RPAP1: variants seen among roughly 807,000 people sequenced by gnomAD.
The protein encoded by RPAP1 is RNA polymerase II associated protein 1, also known as RNA polymerase II-associated protein 1.
RPAP1 carries 109 observed loss-of-function variants against 142.4 expected under a neutral mutation model. The ratio of observed to expected loss-of-function variants is 0.77; its 90% CI spans 0.66 to 0.90. RPAP1 has a LOEUF of 0.90. Ranked by LOEUF, RPAP1 falls within the 40% of genes least tolerant of loss-of-function variation. The pLI, the probability that RPAP1 is intolerant of heterozygous loss-of-function variation, is 0.00. For missense variants in RPAP1, 1,546 were observed against 1,751.7 expected (o/e 0.88, Z 2.10); for synonymous variants, 704 against 738.9 (o/e 0.95, Z 0.77).
chr15:41,525,731 T>C (rs1465974735), intron 14 of RPAP1, among the ~76,000 whole-genome samples: 1 of 152,100 alleles, frequency 6.6e-6, no homozygotes, highest in Non-Finnish European at 1.5e-5. Context: ...CTCGGCTCAC[T>C]GCAATCTCTG....
chr15:41,528,153 GT>G (rs1189095539), intron 10 of RPAP1, 81 bp downstream of exon 10: 10 of 1,509,402 alleles, frequency 6.6e-6, no homozygotes, highest in Middle Eastern at 3.6e-4. Context: ...GTGAGCCAGA[GT>G]GAAAAGGGCA....
Position 41,527,898 on chromosome 15 carries a change from G to T in RPAP1, c.1390C>A (p.Arg464Ser), listed in dbSNP as rs749791005. ...GCCACCAGCAGAGCCCGAAGAGCAC[G>T]GATGGCGGTTGCAATGACCCCATCC... ...RVDGVIATAI[R>S]ALRALLVAPG... Residue 464 changes from arginine to serine, a missense_variant, in exon 11 of 25, where the codon CGT becomes AGT. Physicochemically the swap from Arg to Ser is moderately radical, Grantham distance 110 (BLOSUM62 -1). Coordinates refer to ENST00000304330, the MANE Select transcript of RPAP1 (RefSeq NM_015540.4). The T allele has an allele frequency of 6.2e-7, 1 of 1,613,950 alleles. No homozygotes were observed. Among genetic ancestry groups the T allele is most frequent in the East Asian group, 2.2e-5 (1 of 44,876 alleles).
chr15:41,524,372 G>A, intron 15 of RPAP1, 118 bp from the exon 16 acceptor site: 1 of 854,936 alleles, frequency 1.2e-6, no homozygotes, highest in Non-Finnish European at 1.7e-6. Context: ...GAGGAAGAGT[G>A]GGGCACTCTT....
chr15:41,526,608 GA>G (rs2051792928), intron 14 of RPAP1, among the ~76,000 whole-genome samples: 1 of 152,186 alleles, frequency 6.6e-6, no homozygotes, highest in Non-Finnish European at 1.5e-5. Flanking sequence ...CTTGGCTATA[GA>G]TGATGAATGC....
Position 41,527,536 on chromosome 15 carries a change from C to A in RPAP1, c.1498G>T (p.Asp500Tyr). 1 of 1,614,118 alleles carries A rather than the reference C, an allele frequency of 6.2e-7. No individual in the cohort carries two copies. ...LTFPLMPSQE[D>Y]KEDEDEDEEC... ...TCATCCTCGTCCTCATCCTCCTTGT[C>A]CTCCTGGCTGGGCATCAGAGGGAAC... Residue 500 changes from aspartate to tyrosine, a missense_variant, in exon 12 of 25, where the codon GAC becomes TAC. Physicochemically the swap from Asp to Tyr is radical, Grantham distance 160 (BLOSUM62 -3). Around this residue, in one of 3 missense-constraint regions of RPAP1, gnomAD observed 1,333 missense variants for 1,486.6 expected, o/e 0.90. Transcript: ENST00000304330.
At chr15:41,535,198 C>T (rs1040530868) in intron 5 of RPAP1, among the ~76,000 whole-genome samples, 5 of 152,162 alleles carry the variant, frequency 3.3e-5, no homozygotes, top group South Asian at 2.1e-4. Context: ...CATCTATAGC[C>T]AGGGGCCTGC....
At position 41,520,958 on chromosome 15, in the gene RPAP1, C is replaced by CG; in HGVS notation, c.3227_3228insC (p.His1077AlafsTer92). On this transcript the variant is annotated frameshift_variant, in exon 22 of 25. Transcript: ENST00000304330. LOFTEE classifies it high-confidence loss of function. ...GGACTCGCTGTAGCTCCCCTCGGTG[C>CG]AGAGCCTGGGAGGCCAGCAGACTGG... 2 of 1,610,562 alleles carry CG rather than the reference C, an allele frequency of 1.2e-6. No homozygotes were observed. Among genetic ancestry groups the CG allele is most frequent in the Non-Finnish European group, 1.7e-6 (2 of 1,178,254 alleles).
rs2051743238 is a variant in RPAP1 at position 41,522,857 on chromosome 15, G to T, written c.2650C>A (p.Leu884Met). ...GCSGGCPRLS[L>M]AGSASPFPFL... is the part of the protein sequence containing the mutation. ...GGGAAGGGTGAGGCTGAGCCAGCCAGACTGAGACGGGGGCAGCCTCCCGAG... is the reference window on the plus strand; with the variant it reads ...GGGAAGGGTGAGGCTGAGCCAGCCATACTGAGACGGGGGCAGCCTCCCGAG... Residue 884 changes from leucine (L) to methionine (M), a missense_variant, in exon 19 of 25, where the codon CTG becomes ATG. Leu to Met is a conservative substitution (Grantham distance 15). Coordinates refer to ENST00000304330, the MANE Select transcript of RPAP1 (RefSeq NM_015540.4). The T allele has an allele frequency of 6.3e-7, 1 of 1,581,592 alleles. No individual in the cohort carries two copies. Among genetic ancestry groups the T allele is most frequent in the Non-Finnish European group, 8.5e-7 (1 of 1,170,062 alleles).
chr15:41,522,825 G>A lies in RPAP1; in HGVS notation c.2682C>T (p.Leu894=). Residue 894 remains leucine (L), a synonymous_variant, in exon 19 of 25, where the codon CTC becomes CTT. Transcript: ENST00000304330. ...TATTAAGAAGAGAGAGGAGGGCAGTGAGGAATGGGAAGGGTGAGGCTGAGC... is the reference window on the plus strand; with the variant it reads ...TATTAAGAAGAGAGAGGAGGGCAGTAAGGAATGGGAAGGGTGAGGCTGAGC... ...LAGSASPFPF[L]TALLSLLNTL... is the part of the protein sequence containing the mutation. The A allele has an allele frequency of 6.3e-7, 1 of 1,586,552 alleles. No homozygotes were observed. The highest frequency in any genetic ancestry group is 8.5e-7 in the Non-Finnish European group (1 of 1,171,148).
rs200833248 is a variant in RPAP1 at position 41,527,467 on chromosome 15, C to A, written c.1567G>T (p.Glu523Ter). The A allele has an allele frequency of 1.9e-6, 3 of 1,613,290 alleles. No homozygotes were observed. Among genetic ancestry groups the A allele is most frequent in the Non-Finnish European group, 2.5e-6 (3 of 1,179,396 alleles). ...GKAKRKSPEE[E>*]SRPPPDLARH... is the part of the protein sequence containing the mutation. ...GCCAGGTCAGGTGGAGGCCGGCTTT[C>A]TTCTTCAGGGCTTTTCCTTTTTGCT... Residue 523 changes from glutamate (E) to a stop codon, truncating the protein, a stop_gained, in exon 12 of 25, where the codon GAA becomes TAA. Transcript: ENST00000304330. LOFTEE classifies it high-confidence loss of function.
Position 41,527,868 on chromosome 15 carries a change from C to T in RPAP1, c.1420G>A (p.Gly474Arg). Residue 474 changes from glycine (G) to arginine (R), a missense_variant, in exon 11 of 25, where the codon GGA (glycine) becomes AGA (arginine). Gly to Arg is a moderately radical substitution (Grantham distance 125, BLOSUM62 -2). This residue lies in a region of RPAP1 where 1,333 missense variants were observed against 1,486.6 expected (regional missense o/e 0.90). Coordinates refer to ENST00000304330, the MANE Select transcript of RPAP1 (RefSeq NM_015540.4). The part of the protein sequence containing the change: ...RALRALLVAP[G>R]DEELLDSTFS... ...TCCTATCCCTGTGGTACCTCATCTC[C>T]AGGAGCCACCAGCAGAGCCCGAAGA... The T allele has an allele frequency of 6.2e-7, 1 of 1,614,062 alleles. No homozygotes were observed. Among genetic ancestry groups the T allele is most frequent in the Non-Finnish European group, 8.5e-7 (1 of 1,180,008 alleles).
rs868553024 is a variant in RPAP1 at position 41,524,244 on chromosome 15, G to C, written c.2086C>G (p.Pro696Ala). ...QGGYLYRELY[P>A]VLMRALQVVP... is the part of the protein sequence containing the mutation. The stretch of plus-strand genomic sequence containing the variant: ...ACCTGCAAGGCCCGCATCAGCACTG[G>C]GTAGAGCTCCCTAGGGAAGAACAGG... Residue 696 changes from proline (P) to alanine (A), a missense_variant, in exon 16 of 25, where the codon CCA becomes GCA. Coordinates refer to ENST00000304330, the MANE Select transcript of RPAP1 (RefSeq NM_015540.4). 2.0e-6 allele frequency: 3 copies of C among 1,528,132 alleles called. No homozygotes were observed. The highest frequency in any genetic ancestry group is 2.8e-5 in the African/African-American group (2 of 72,080). 94.7% of individuals were successfully genotyped at this position (1,528,132 alleles called of 1,614,324 possible). A position where few individuals can be genotyped will look rare whatever the true frequency, so the allele number is the denominator to read the frequency against.
chr15:41,531,329 G>T, intron 6 of RPAP1, 127 bp from the exon 7 acceptor site: 1 of 928,072 alleles, frequency 1.1e-6, no homozygotes, highest in Non-Finnish European at 1.6e-6. Context: ...TCCGAGCCTG[G>T]GCCTGAGCCT....
intron 22 of RPAP1, among the ~76,000 whole-genome samples, chr15:41,518,844 TCAAAAA>T (rs909613779): frequency 1.3e-5 from 2 of 152,228 alleles, no homozygotes; most frequent in Non-Finnish European, 2.9e-5. Flanking sequence ...AGACTCTGTC[TCAAAAA>T]CAAAAACAAA....
intron 19 of RPAP1, chr15:41,522,539 T>C (rs1441830813): frequency 1.1e-5 from 6 of 562,238 alleles, no homozygotes; most frequent in South Asian, 2.3e-5. Context: ...TACAGGCATG[T>C]GCCATCATGC....
Position 41,520,704 on chromosome 15 carries a change from C to A in RPAP1, c.3482G>T (p.Cys1161Phe). The change falls in exon 22 of 25, where the codon TGT becomes TTT. Residue 1161 changes from cysteine to phenylalanine, a missense_variant. This residue lies in a region of RPAP1 where 1,333 missense variants were observed against 1,486.6 expected (regional missense o/e 0.90). Coordinates refer to ENST00000304330, the MANE Select transcript of RPAP1 (RefSeq NM_015540.4). ...PPAARLARLM[C>F]VFLVDSELFR... ...CAGCTCACTGTCCACCAGGAACACA[C>A]ACATGAGCCGTGCCAGGCGGGCAGC... The A allele has an allele frequency of 1.9e-6, 3 of 1,614,124 alleles. No individual in the cohort carries two copies. Among genetic ancestry groups the A allele is most frequent in the Non-Finnish European group, 2.5e-6 (3 of 1,180,044 alleles).
chr15:41,524,283 T>C (rs200383908), intron 15 of RPAP1, 29 bp from the exon 16 acceptor site: 3 of 1,504,202 alleles, frequency 2.0e-6, no homozygotes, highest in Middle Eastern at 1.8e-4. Flanking sequence ...TGATTTTCAC[T>C]GTATGAAAGC....
At position 41,536,155 on chromosome 15, in the gene RPAP1, C is replaced by T. The variant is rs147432102; in HGVS notation, c.394G>A (p.Val132Met). The T allele has an allele frequency of 5.0e-6, 8 of 1,614,056 alleles. No individual in the cohort carries two copies. Among genetic ancestry groups the T allele is most frequent in the Non-Finnish European group, 6.8e-6 (8 of 1,180,028 alleles). ...PVPSGVAFPAVFLRSRDTQGK... is the reference protein window; with the variant it reads ...PVPSGVAFPAMFLRSRDTQGK... ...TGTGTGTCCCGCGAGCGAAGGAACA[C>T]AGCAGGGAAAGCAACACCACTGGGC... is the stretch of plus-strand genomic sequence containing the variant. The change falls in exon 4 of 25, where the codon GTG (valine) becomes ATG (methionine). Residue 132 changes from valine (V) to methionine (M), a missense_variant. Coordinates refer to ENST00000304330, the MANE Select transcript of RPAP1 (RefSeq NM_015540.4).
rs1469812499 is a variant in RPAP1, at chr15:41,524,259, G to A, written c.2076-5C>T. On this transcript the variant is annotated splice_region_variant and splice_polypyrimidine_tract_variant and intron_variant, in intron 15 of 24. Transcript: ENST00000304330. ...ATCAGCACTGGGTAGAGCTCCCTAGGGAAGAACAGGGACTGATTTTCACTG... is the reference window on the plus strand; with the variant it reads ...ATCAGCACTGGGTAGAGCTCCCTAGAGAAGAACAGGGACTGATTTTCACTG... The A allele has an allele frequency of 2.0e-6, 3 of 1,515,718 alleles. No individual in the cohort carries two copies. The highest frequency in any genetic ancestry group is 1.3e-5 in the South Asian group (1 of 75,800). The allele number at this position is 1,515,718 out of a possible 1,614,324, so 93.9% of individuals were successfully genotyped here. A position where few individuals can be genotyped will look rare whatever the true frequency, so the allele number is the denominator to read the frequency against.
Sources: gnomAD v4.1 joint callset for allele counts (sites outside exome capture counted in the v4.1 genomes callset) on GRCh38, gnomAD v4.1.1 for gene constraint, gnomAD v4.1.1 regional missense constraint, MANE v1.5 for transcripts, NCBI Gene and HGNC (gene_info 2026-07-23, HGNC 2026-07-21) for gene names.